The following ZNF320 variants were observed in gnomAD, a reference collection of about 807,000 sequenced individuals.
ZNF320 encodes the protein zinc finger protein 320.
In ZNF320, 2 loss-of-function variants were observed where a neutral mutation model predicts 6.8. The ratio of observed to expected loss-of-function variants is 0.29; its 90% CI spans 0.12 to 0.93. ZNF320 has a LOEUF of 0.93. Among genes scored for constraint, ZNF320 ranks in the 40% least tolerant of loss-of-function variants. The pLI is 0.55. For synonymous variants in ZNF320, 208 were observed against 203.2 expected, an observed-to-expected ratio of 1.02 and a Z score of -0.20; for missense variants, 472 against 611.0, an observed-to-expected ratio of 0.77 and a Z score of 2.40.
At chr19:52,862,180 A>C in exon 6 of ZNF320, 1 of 441,956 alleles carries the variant, frequency 2.3e-6, no homozygotes, top group Non-Finnish European at 4.6e-6. Flanking sequence ...TGCATTAGTA[A>C]ACTTTCCCTA....
chr19:52,862,613 T>C, exon 6 of ZNF320: 1 of 477,784 alleles, frequency 2.1e-6, no homozygotes, highest in South Asian at 2.1e-5. Flanking sequence ...ATGGATTGCT[T>C]GATGGTGAAT....
chr19:52,863,626 G>A (rs1432103280), exon 6 of ZNF320, among the ~76,000 whole-genome samples: 5 of 146,900 alleles, frequency 3.4e-5, no homozygotes, highest in African/African-American at 7.6e-5. Context: ...AAAAAAAAAA[G>A]AACTAAAATA....
intron 5 of ZNF320, among the ~76,000 whole-genome samples, chr19:52,882,911 A>G (rs563983246): frequency 6.6e-6 from 1 of 152,010 alleles, no homozygotes; most frequent in African/African-American, 2.4e-5. Flanking sequence ...ATTGCACTCC[A>G]CCTTGGGTGA....
At chr19:52,873,635 TAC>T (rs935311958), downstream of ZNF320, among the ~76,000 whole-genome samples, 2 of 152,210 alleles carry the variant, frequency 1.3e-5, no homozygotes, top group African/African-American at 2.4e-5. Context: ...ATGACTTTCA[TAC>T]ACAGTTTCTC....
intron 1 of ZNF320, among the ~76,000 whole-genome samples, chr19:52,897,022 C>T (rs1033788092): frequency 1.3e-5 from 2 of 152,258 alleles, no homozygotes; most frequent in African/African-American, 2.4e-5. Context: ...ATCCTTCATC[C>T]AGATAAGGGG....
At chr19:52,871,334 A>G (rs1020831577), downstream of ZNF320, among the ~76,000 whole-genome samples, 3 of 151,982 alleles carry the variant, frequency 2.0e-5, no homozygotes, top group Admixed American at 1.3e-4. Flanking sequence ...TCTCTCCAAC[A>G]TGGTGAAACC....
rs146430390 is a variant in ZNF320, at chr19:52,868,954, C to A, written c.224-4795G>T. 1.7e-3 allele frequency among the ~76,000 whole-genome samples: 257 copies of A among 151,974 alleles called. 2 individuals carry two copies. The highest frequency in any genetic ancestry group is 5.8e-3 in the African/African-American group (242 of 41,426). ...AGTAGTGTTGGAGGGGAGGGGCTCA[C>A]GGGGAAATTGGGGTGTTCACTTTTA... On this transcript the variant is annotated intron_variant, in intron 5 of 5. Transcript: ENST00000673631.
Position 52,867,726 on chromosome 19 carries a change from A to C in ZNF320, c.224-3567T>G, listed in dbSNP as rs375109169. 6.0e-3 allele frequency among the ~76,000 whole-genome samples: 910 copies of C among 151,564 alleles called. 11 individuals carry two copies. The highest frequency in any genetic ancestry group is 0.021 in the Middle Eastern group (6 of 286). The stretch of plus-strand genomic sequence containing the variant: ...TCCTGGGTTCAAGTGATTCTCCTGT[A>C]TCAGCCTCCCGTGTAGCTGGGATTT... On this transcript the variant is annotated intron_variant, in intron 5 of 5. Transcript: ENST00000673631.
intron 1 of ZNF320, among the ~76,000 whole-genome samples, chr19:52,894,452 G>C (rs1471137511): frequency 2.6e-5 from 4 of 151,502 alleles, no homozygotes; most frequent in Non-Finnish European, 5.9e-5. Context: ...CTGAGCAAAA[G>C]GAATGTCTCT....
At chr19:52,892,897 G>GCC (rs1236797377) in intron 2 of ZNF320, among the ~76,000 whole-genome samples, 2 of 147,370 alleles carry the variant, frequency 1.4e-5, no homozygotes, top group Non-Finnish European at 3.0e-5. Context: ...ACTCTGATGA[G>GCC]ACTCCCTCTT....
intron 5 of ZNF320, among the ~76,000 whole-genome samples, chr19:52,868,689 A>G (rs1480617033): frequency 1.3e-5 from 2 of 152,096 alleles, no homozygotes; most frequent in Non-Finnish European, 2.9e-5. Flanking sequence ...GTCCACCAAG[A>G]AAGTACAGAA....
upstream of ZNF320, among the ~76,000 whole-genome samples, chr19:52,900,296 C>CAT (rs1460979712): frequency 6.6e-6 from 1 of 152,306 alleles, no homozygotes; most frequent in African/African-American, 2.4e-5. Context: ...TTGCCTAAGA[C>CAT]AACTAAGCCG....
In ZNF320 at chr19:52,879,367, T is replaced by C; in HGVS notation, c.*1229A>G. ...AAAGATGAAAACCACATCATCTCAATACATGGAGAAAAAGCATTTCACAAA... is the reference window on the plus strand; with the variant it reads ...AAAGATGAAAACCACATCATCTCAACACATGGAGAAAAAGCATTTCACAAA... On this transcript the variant is annotated 3_prime_UTR_variant, in exon 6 of 6. Transcript: ENST00000682928. 6.2e-6 allele frequency: 1 copy of C among 162,134 alleles called. No homozygotes were observed. Among genetic ancestry groups the C allele is most frequent in the South Asian group, 1.7e-4 (1 of 5,880 alleles). 10.0% of individuals were successfully genotyped at this position (162,134 alleles called of 1,614,324 possible).
exon 6 of ZNF320, chr19:52,864,115 C>T (rs747085880): frequency 3.0e-6 from 1 of 331,498 alleles, no homozygotes; most frequent in Non-Finnish European, 6.0e-6. Flanking sequence ...GTTTCCACTC[C>T]AGCAAAGAGA....
At chr19:52,883,448 A>G (rs2063983381) in intron 5 of ZNF320, among the ~76,000 whole-genome samples, 1 of 152,164 alleles carries the variant, frequency 6.6e-6, no homozygotes, top group Non-Finnish European at 1.5e-5. Flanking sequence ...TAATAAGTCA[A>G]TTTATACTGC....
intron 5 of ZNF320, among the ~76,000 whole-genome samples, chr19:52,869,417 G>T (rs1052840207): frequency 1.3e-5 from 2 of 152,184 alleles, no homozygotes; most frequent in African/African-American, 4.8e-5. Flanking sequence ...GTGCAGCAGC[G>T]AAGGAGACCA....
rs1236168818 is a variant in ZNF320 at position 52,868,660 on chromosome 19, CAT to C, written c.224-4503_224-4502del. Among the ~76,000 whole-genome samples, 3 of 152,218 alleles carry C rather than the reference CAT, an allele frequency of 2.0e-5. No homozygotes were observed. In the East Asian group the frequency reaches 5.8e-4, roughly 29 times the overall value. ...ATTCTTGGCCTGAAGGATCCCACGA[CAT>C]GTTTCTAAGCAAAATAGTCCACCAA... On this transcript the variant is annotated intron_variant, in intron 5 of 5. Coordinates refer to the ZNF320 transcript ENST00000673631.
rs369665109 is a variant in ZNF320 at position 52,888,165 on chromosome 19, T to A, written c.104A>T (p.Asp35Val). Residue 35 changes from aspartate to valine, a missense_variant, in exon 5 of 6, where the codon GAC becomes GTC. Physicochemically the swap from Asp to Val is radical, Grantham distance 152 (BLOSUM62 -3). Coordinates refer to ENST00000682928, the MANE Select transcript of ZNF320 (RefSeq NM_001351774.2). ...LDPAQRTLYR[D>V]VMLENYRNLV... ...GTTCCTATAATTCTCCAGCATCACG[T>A]CTCTGTATAGAGTCCTCTGAGCAGG... The A allele has an allele frequency of 1.1e-5, 17 of 1,580,642 alleles. No homozygotes were observed. The African/African-American group carries it at 2.1e-4, about 19-fold the overall frequency.
Position 52,889,980 on chromosome 19 carries a change from G to T in ZNF320, c.15+261C>A, listed in dbSNP as rs146365552. Among the ~76,000 whole-genome samples the T allele has an allele frequency of 2.3e-3, 350 of 152,150 alleles. 2 individuals are homozygous for T. Among genetic ancestry groups the T allele is most frequent in the African/African-American group, 7.2e-3 (297 of 41,498 alleles). On this transcript the variant is annotated intron_variant, in intron 4 of 5. Coordinates refer to ENST00000682928, the MANE Select transcript of ZNF320 (RefSeq NM_001351774.2). ...GCTACCCAACAGCACTGACACCATG[G>T]GACCCTCACCCCGTCTCCATCCATG... is the stretch of plus-strand genomic sequence containing the variant.
Sources: gnomAD v4.1 joint callset for allele counts (sites outside exome capture counted in the v4.1 genomes callset) on GRCh38, gnomAD v4.1.1 for gene constraint, MANE v1.5 for transcripts, NCBI Gene and HGNC (gene_info 2026-07-23, HGNC 2026-07-21) for gene names.